COL23A1: variants seen among roughly 807,000 people sequenced by gnomAD.
The protein encoded by COL23A1 is collagen alpha-1(XXIII) chain.
COL23A1 carries 97 observed loss-of-function variants against 99.3 expected under a neutral mutation model. That is an observed-to-expected ratio of 0.98 (90% CI 0.83 to 1.16). The LOEUF is 1.16. Ranked by LOEUF, COL23A1 falls within the 50% of genes most tolerant of loss-of-function variation. COL23A1 has a pLI of 0.00. For synonymous variants in COL23A1, 320 were observed against 308.2 expected (o/e 1.04, Z -0.40); for missense variants, 762 against 757.4 (o/e 1.01, Z -0.07).
At chr5:178,568,016 T>C (rs1374690543) in intron 1 of COL23A1, among the ~76,000 whole-genome samples, 2 of 152,230 alleles carry the variant, frequency 1.3e-5, no homozygotes, top group African/African-American at 4.8e-5. Context: ...AACCAAGTGA[T>C]CAAGGTTCAT....
intron 1 of COL23A1, among the ~76,000 whole-genome samples, chr5:178,568,832 A>G (rs1762955014): frequency 6.6e-6 from 1 of 152,222 alleles, no homozygotes. Context: ...CCATTCACTG[A>G]TGAACATCTG....
intron 8 of COL23A1, 65 bp from the exon 9 acceptor site, chr5:178,263,389 C>T: frequency 9.6e-7 from 1 of 1,038,124 alleles, no homozygotes; most frequent in Admixed American, 2.4e-5. Context: ...AGAGAGGCTC[C>T]CTCAGATGGG....
At chr5:178,314,341 G>A (rs1347940016) in intron 2 of COL23A1, among the ~76,000 whole-genome samples, 1 of 152,118 alleles carries the variant, frequency 6.6e-6, no homozygotes, top group Admixed American at 6.5e-5. Context: ...AACACCACAG[G>A]CTGCCAGGGT....
chr5:178,532,079 G>C (rs566664703), intron 2 of COL23A1, among the ~76,000 whole-genome samples: 3 of 152,196 alleles, frequency 2.0e-5, no homozygotes, highest in Non-Finnish European at 2.9e-5. Flanking sequence ...GCCATCTGCC[G>C]ACGTGGGCAG....
At chr5:178,420,322 G>A (rs1310172440) in intron 2 of COL23A1, among the ~76,000 whole-genome samples, 1 of 151,874 alleles carries the variant, frequency 6.6e-6, no homozygotes, top group Non-Finnish European at 1.5e-5. Context: ...ATATGGGACA[G>A]GTGGTCAGTG....
rs529112241 is a variant in COL23A1, at chr5:178,521,207, T to A, written c.361+39475A>T. Reference sequence around the variant, plus strand: ...CACCATCATATATGTGGTACATCGTTGACTGAAATGTGGTTATGGGGCACA... The same window carrying A: ...CACCATCATATATGTGGTACATCGTAGACTGAAATGTGGTTATGGGGCACA... On this transcript the variant is annotated intron_variant, in intron 2 of 28. Transcript: ENST00000390654. Among the ~76,000 whole-genome samples, 15 of 152,356 alleles carry A rather than the reference T, an allele frequency of 9.8e-5. No individual in the cohort carries two copies. The South Asian group carries it at 1.2e-3, about 13-fold the overall frequency.
chr5:178,264,178 A>G (rs2127556002), intron 8 of COL23A1, among the ~76,000 whole-genome samples: 1 of 152,238 alleles, frequency 6.6e-6, no homozygotes. Flanking sequence ...AGGTGGGGGC[A>G]TCTGAATAAG....
intron 2 of COL23A1, among the ~76,000 whole-genome samples, chr5:178,540,262 A>G (rs920491220): frequency 6.6e-6 from 1 of 152,234 alleles, no homozygotes; most frequent in Admixed American, 6.5e-5. Context: ...GGTAGAAGAT[A>G]CATGGAAAAT....
chr5:178,554,707 T>C (rs1762177844), intron 2 of COL23A1, among the ~76,000 whole-genome samples: 1 of 152,094 alleles, frequency 6.6e-6, no homozygotes, highest in African/African-American at 2.4e-5. Flanking sequence ...CTCCCCTGGT[T>C]CCAAGAATGG....
rs55907671 is a variant in COL23A1, at chr5:178,306,318, A to AAG, written c.406+555_406+556dup. ...AAGACGATGTCAGAGGGGCTTAGGG[A>AAG]AGTCCCTGGGCGAAGGGGGCAATCT... On this transcript the variant is annotated intron_variant, in intron 3 of 28. Transcript: ENST00000390654. This position sits in a 1 kb window ranked among gnomAD's most constrained non-coding sequence, Gnocchi z 4.1. 0.91 allele frequency among the ~76,000 whole-genome samples: 137,676 copies of AAG among 151,394 alleles called. 62,635 individuals carry two copies. The highest frequency in any genetic ancestry group is 0.93 in the East Asian group (4,710 of 5,050).
intron 2 of COL23A1, among the ~76,000 whole-genome samples, chr5:178,528,466 A>G (rs1760448551): frequency 6.6e-6 from 1 of 151,764 alleles, no homozygotes; most frequent in Non-Finnish European, 1.5e-5. Context: ...GCTGGTCTTC[A>G]CTCCCTGGCC....
chr5:178,536,399 G>A (rs1002662518), intron 2 of COL23A1, among the ~76,000 whole-genome samples: 7 of 152,226 alleles, frequency 4.6e-5, no homozygotes, highest in African/African-American at 9.6e-5. Context: ...ACAGTTCCTC[G>A]CTATGCTCAC....
chr5:178,422,720 G>A (rs1037459503), intron 2 of COL23A1, among the ~76,000 whole-genome samples: 3 of 152,106 alleles, frequency 2.0e-5, no homozygotes, highest in Non-Finnish European at 1.5e-5. Context: ...TCCACGTAAC[G>A]CCGGGGACTG....
chr5:178,369,400 C>T (rs17081153), intron 2 of COL23A1, among the ~76,000 whole-genome samples: 10,077 of 152,238 alleles, frequency 0.066, 534 homozygotes, highest in African/African-American at 0.15. Context: ...GAAGAGAACA[C>T]CCCTCCATGG....
At chr5:178,299,857 G>A (rs1049944425) in intron 3 of COL23A1, among the ~76,000 whole-genome samples, 146 of 149,356 alleles carry the variant, frequency 9.8e-4, no homozygotes, top group Non-Finnish European at 1.3e-3. Flanking sequence ...GGGTTCAAGC[G>A]ATTCTCCTGC....
chr5:178,467,043 C>T (rs112435123), intron 2 of COL23A1, among the ~76,000 whole-genome samples: 46 of 152,302 alleles, frequency 3.0e-4, no homozygotes, highest in Middle Eastern at 3.4e-3. Context: ...CGTAAAATGC[C>T]GTGGCAGCAC....
chr5:178,465,057 C>T (rs536711216), intron 2 of COL23A1, among the ~76,000 whole-genome samples: 2 of 152,220 alleles, frequency 1.3e-5, no homozygotes, highest in African/African-American at 4.8e-5. Flanking sequence ...AAATAGTTCA[C>T]TTGATTTAAA....
In COL23A1 at chr5:178,307,253, G is replaced by A. The variant is rs1034760632; in HGVS notation, c.362-334C>T. On this transcript the variant is annotated intron_variant, in intron 2 of 28. Transcript: ENST00000390654. This position sits in a 1 kb window ranked among gnomAD's most constrained non-coding sequence, Gnocchi z 4.2. ...CATGGGAGGCTCCTGAGGCAGATGC[G>A]TTTGCAGCTGAGAAACTTCAGACTT... Among the ~76,000 whole-genome samples, 2 of 152,206 alleles carry A rather than the reference G, an allele frequency of 1.3e-5. No homozygotes were observed. The highest frequency in any genetic ancestry group is 6.5e-5 in the Admixed American group (1 of 15,280).
At chr5:178,251,908 T>TC (rs1765052334) in intron 17 of COL23A1, among the ~76,000 whole-genome samples, 2 of 76,284 alleles carry the variant, frequency 2.6e-5, no homozygotes, top group African/African-American at 9.7e-5. Flanking sequence ...CATTTTCTTT[T>TC]CTTTTTTTTT....
Sources: gnomAD v4.1 joint callset for allele counts (sites outside exome capture counted in the v4.1 genomes callset) on GRCh38, gnomAD v4.1.1 for gene constraint, Gnocchi (gnomAD v3.1) non-coding constraint, MANE v1.5 for transcripts, NCBI Gene and HGNC (gene_info 2026-07-23, HGNC 2026-07-21) for gene names.